Variants in C3orf49 observed in about 807,000 individuals in gnomAD.
C3orf49 encodes putative uncharacterized protein C3orf49.
In C3orf49, 27 loss-of-function variants were observed where a neutral mutation model predicts 13.3. The ratio of observed to expected loss-of-function variants is 2.02; its 90% CI spans 1.49 to 2.79. The LOEUF is 2.79. Ranked by LOEUF, C3orf49 falls within the 30% of genes most tolerant of loss-of-function variation. C3orf49 has a pLI of 0.00. For missense variants in C3orf49, 242 were observed against 134.2 expected, an observed-to-expected ratio of 1.80 and a Z score of -3.97; for synonymous variants, 87 against 47.6, an observed-to-expected ratio of 1.83 and a Z score of -3.40.
chr3:63,814,917 A>G (rs1474417657), upstream of C3orf49, among the ~76,000 whole-genome samples: 1 of 152,216 alleles, frequency 6.6e-6, no homozygotes, highest in East Asian at 1.9e-4. Flanking sequence ...TGCAGGCTGT[A>G]CAGGAAGCAT....
intron 3 of C3orf49, among the ~76,000 whole-genome samples, chr3:63,830,170 C>A (rs1701514475): frequency 6.6e-6 from 1 of 152,138 alleles, no homozygotes; most frequent in Non-Finnish European, 1.5e-5. Flanking sequence ...ACTAGTCCTG[C>A]TTTACAAAAC....
chr3:63,845,235 T>C (rs1701863651), intron 6 of C3orf49, among the ~76,000 whole-genome samples, 153 bp downstream of exon 6: 1 of 152,166 alleles, frequency 6.6e-6, no homozygotes, highest in South Asian at 2.1e-4. Flanking sequence ...TAGTTTGTGC[T>C]ATGAGAGGAC....
intron 3 of C3orf49, 117 bp downstream of exon 3, chr3:63,827,842 G>A (rs1210149905): frequency 1.4e-5 from 8 of 570,006 alleles, no homozygotes; most frequent in Admixed American, 2.8e-5. Flanking sequence ...CTTTAAATCT[G>A]CTGCTTCTGT....
At chr3:63,823,117 T>C in intron 1 of C3orf49, 133 bp from the exon 2 acceptor site, 2 of 579,378 alleles carry the variant, frequency 3.5e-6, no homozygotes, top group Non-Finnish European at 6.1e-6. Flanking sequence ...GATTTGATTC[T>C]TGGTCTTCAA....
chr3:63,839,523 T>G, intron 5 of C3orf49: 1 of 777,868 alleles, frequency 1.3e-6, no homozygotes, highest in South Asian at 1.5e-5. Flanking sequence ...GAAAATCTAC[T>G]CTTGGTTAAT....
the C3orf49 span, among the ~76,000 whole-genome samples, chr3:63,781,422 G>A: frequency 6.4e-4 from 97 of 152,250 alleles, no homozygotes; most frequent in African/African-American, 2.2e-3. Context: ...GTCAGGTAAC[G>A]TGATGCCTCC....
At chr3:63,818,344 C>A (rs1261824642), upstream of C3orf49, among the ~76,000 whole-genome samples, 2 of 152,314 alleles carry the variant, frequency 1.3e-5, no homozygotes, top group East Asian at 3.9e-4. Context: ...ACTCTCTTAG[C>A]CCCTTAACAT....
intron 5 of C3orf49, among the ~76,000 whole-genome samples, chr3:63,836,560 G>T (rs1701638735): frequency 6.6e-6 from 1 of 151,848 alleles, no homozygotes. Context: ...TCCAAACAGG[G>T]GTTTTAGCTC....
At chr3:63,789,898 C>T in the C3orf49 span, among the ~76,000 whole-genome samples, 1 of 151,524 alleles carries the variant, frequency 6.6e-6, no homozygotes, top group African/African-American at 2.4e-5. Flanking sequence ...ACATGAAATC[C>T]TTTTTCCTTT....
chr3:63,796,957 G>C, the C3orf49 span, among the ~76,000 whole-genome samples: 1 of 151,980 alleles, frequency 6.6e-6, no homozygotes, highest in Non-Finnish European at 1.5e-5. Context: ...GTTTGTCTGA[G>C]AAAGTCTTTA....
At chr3:63,813,586 C>T in the C3orf49 span, among the ~76,000 whole-genome samples, 3 of 152,188 alleles carry the variant, frequency 2.0e-5, no homozygotes, top group Non-Finnish European at 4.4e-5. Context: ...AACTTGGAAG[C>T]CTGTTGGCTC....
intron 6 of C3orf49, chr3:63,846,149 T>C (rs1575809359): frequency 2.3e-6 from 1 of 433,146 alleles, no homozygotes; most frequent in Non-Finnish European, 4.6e-6. Context: ...CTCTCTCTCT[T>C]TCTTTGCCTG....
upstream of C3orf49, among the ~76,000 whole-genome samples, chr3:63,818,659 G>A (rs1266829883): frequency 2.6e-5 from 4 of 152,180 alleles, no homozygotes; most frequent in African/African-American, 7.2e-5. Flanking sequence ...TTCTTGTTAA[G>A]CATCTAGTTA....
chr3:63,804,412 C>T, the C3orf49 span, among the ~76,000 whole-genome samples: 2 of 152,176 alleles, frequency 1.3e-5, no homozygotes, highest in African/African-American at 2.4e-5. Context: ...TAATCTCCCA[C>T]GTGCTTTCTC....
chr3:63,846,555 C>T (rs946166414), intron 6 of C3orf49, among the ~76,000 whole-genome samples: 1 of 152,056 alleles, frequency 6.6e-6, no homozygotes, highest in African/African-American at 2.4e-5. Context: ...TTACAGGCAC[C>T]CACCACCACG....
At chr3:63,819,708 G>T (rs749380591) in intron 1 of C3orf49, 112 bp downstream of exon 1, 1 of 650,788 alleles carries the variant, frequency 1.5e-6, no homozygotes, top group Non-Finnish European at 2.8e-6. Context: ...GGATTGGCGG[G>T]GAGGGTACTG....
upstream of C3orf49, among the ~76,000 whole-genome samples, chr3:63,818,464 T>C (rs546996051): frequency 6.6e-6 from 1 of 152,286 alleles, no homozygotes; most frequent in Non-Finnish European, 1.5e-5. Flanking sequence ...CCTGCGGGTT[T>C]GTTAGGAGTG....
At chr3:63,790,470 G>A in the C3orf49 span, among the ~76,000 whole-genome samples, 15 of 152,226 alleles carry the variant, frequency 9.9e-5, no homozygotes, top group Admixed American at 3.9e-4. Context: ...ATGGGACAAC[G>A]TCCAGAACAC....
the C3orf49 span, among the ~76,000 whole-genome samples, chr3:63,789,810 CAAAAAAAAAAA>C: frequency 2.2e-4 from 11 of 49,640 alleles, no homozygotes; most frequent in African/African-American, 1.6e-4. Flanking sequence ...GACTCTGTCT[CAAAAAAAAAAA>C]AAAAAAAAAA....
Sources: allele counts gnomAD v4.1 joint callset (sites outside exome capture counted in the v4.1 genomes callset), GRCh38; gene constraint gnomAD v4.1.1; transcripts MANE v1.5; gene names NCBI Gene and HGNC (gene_info 2026-07-23, HGNC 2026-07-21).